The following GMDS variants were observed in gnomAD, a reference collection of about 807,000 sequenced individuals.
GMDS encodes GDP-mannose 4,6-dehydratase, also known as GDP-mannose 4,6 dehydratase.
GMDS carries 20 observed loss-of-function variants against 49.9 expected under a neutral mutation model. That is an observed-to-expected ratio of 0.40 (90% CI 0.28 to 0.58). The LOEUF (loss-of-function observed/expected upper bound fraction) is 0.58. GMDS is among the 20% of genes least tolerant of loss of function. The pLI is 0.42. For synonymous variants in GMDS, 177 were observed against 178.6 expected (o/e 0.99, Z 0.07); for missense variants, 362 against 481.4 (o/e 0.75, Z 2.32).
rs74513020 is a variant in GMDS, at chr6:1,646,087, T to C, written c.988-21547A>G. Among the ~76,000 whole-genome samples, 37 of 152,344 alleles carry C rather than the reference T, an allele frequency of 2.4e-4. 1 individual carries two copies. In the East Asian group the frequency reaches 5.6e-3, roughly 23 times the overall value. Reference sequence around the variant, plus strand: ...TCCCCCCAACTAAATGCAATTGTTCTTTTCCTGTTGCACTGTTACCATTCC... The same window carrying C: ...TCCCCCCAACTAAATGCAATTGTTCCTTTCCTGTTGCACTGTTACCATTCC... On this transcript the variant is annotated intron_variant, in intron 9 of 10. Coordinates refer to ENST00000380815, the MANE Select transcript of GMDS (RefSeq NM_001500.4).
At chr6:1,723,591 TG>T (rs1766467911) in intron 9 of GMDS, among the ~76,000 whole-genome samples, 1 of 60,684 alleles carries the variant, frequency 1.6e-5, no homozygotes, top group Non-Finnish European at 2.7e-5. Flanking sequence ...GGCCTCTTTA[TG>T]GCAATTTTTT....
At chr6:2,054,797 G>A (rs902740268) in intron 4 of GMDS, among the ~76,000 whole-genome samples, 2 of 151,648 alleles carry the variant, frequency 1.3e-5, no homozygotes, top group Admixed American at 6.6e-5. Flanking sequence ...ACAGAATCCA[G>A]GAAAACAAAA....
intron 1 of GMDS, among the ~76,000 whole-genome samples, chr6:2,134,991 C>T (rs920685769): frequency 5.3e-5 from 8 of 151,996 alleles, no homozygotes; most frequent in Admixed American, 3.9e-4. Flanking sequence ...CTCATTTTTC[C>T]GGATCAGAAA....
chr6:1,974,378 A>G (rs1764779143), intron 4 of GMDS, among the ~76,000 whole-genome samples: 1 of 152,178 alleles, frequency 6.6e-6, no homozygotes, highest in Non-Finnish European at 1.5e-5. Flanking sequence ...ATGCTCAAGA[A>G]AGAACAGAGT....
chr6:2,081,263 T>G (rs1355361946), intron 4 of GMDS, among the ~76,000 whole-genome samples: 1 of 152,004 alleles, frequency 6.6e-6, no homozygotes, highest in African/African-American at 2.4e-5. Context: ...GAACTCCGGA[T>G]GGTTTTCTCT....
chr6:1,969,075 C>T (rs549609124), intron 4 of GMDS, among the ~76,000 whole-genome samples: 2 of 151,810 alleles, frequency 1.3e-5, no homozygotes, highest in East Asian at 1.9e-4. Flanking sequence ...TCCTGGCTAA[C>T]ACGGTGAAAC....
intron 4 of GMDS, among the ~76,000 whole-genome samples, chr6:2,088,360 A>G (rs1253377691): frequency 6.6e-6 from 1 of 152,210 alleles, no homozygotes; most frequent in Non-Finnish European, 1.5e-5. Flanking sequence ...TGGTAATAAT[A>G]GGAATCTGCT....
chr6:1,933,293 T>C (rs1218536979), intron 6 of GMDS, among the ~76,000 whole-genome samples: 1 of 152,266 alleles, frequency 6.6e-6, no homozygotes, highest in Non-Finnish European at 1.5e-5. Context: ...GATGACTATC[T>C]GTGGTGCCTC....
intron 7 of GMDS, among the ~76,000 whole-genome samples, chr6:1,754,846 T>G (rs1339360483): frequency 6.6e-6 from 1 of 152,080 alleles, no homozygotes; most frequent in Non-Finnish European, 1.5e-5. Context: ...TGCTAAAAAC[T>G]CTCAATAAAC....
intron 1 of GMDS, among the ~76,000 whole-genome samples, chr6:2,164,167 C>A (rs1029444857): frequency 6.6e-6 from 1 of 152,208 alleles, no homozygotes; most frequent in African/African-American, 2.4e-5. Flanking sequence ...AATGCAGAAT[C>A]TTTGCTTAGT....
At chr6:1,958,115 G>GTT (rs35647807) in intron 6 of GMDS, among the ~76,000 whole-genome samples, 9 of 129,418 alleles carry the variant, frequency 7.0e-5, no homozygotes, top group Admixed American at 1.5e-4. Context: ...CTTAAAATAT[G>GTT]TTTTTTTTTT....
At chr6:1,802,089 C>T (rs900414420) in intron 7 of GMDS, among the ~76,000 whole-genome samples, 2 of 152,128 alleles carry the variant, frequency 1.3e-5, no homozygotes, top group Non-Finnish European at 2.9e-5. Context: ...AATAGAAAAA[C>T]GGAGATGCAG....
At chr6:1,769,084 A>G (rs1768472998) in intron 7 of GMDS, among the ~76,000 whole-genome samples, 1 of 152,234 alleles carries the variant, frequency 6.6e-6, no homozygotes, top group Admixed American at 6.5e-5. Context: ...CTAGTATATT[A>G]TAATTTAAGT....
In GMDS at chr6:2,075,877, T is replaced by G. The variant is rs574078682; in HGVS notation, c.345+39894A>C. Reference sequence around the variant, plus strand: ...AACTAGTTCACAGTCCCACCAACAGTGTAAAAGTGTTCCTATTTCTCCACA... The same window carrying G: ...AACTAGTTCACAGTCCCACCAACAGGGTAAAAGTGTTCCTATTTCTCCACA... On this transcript the variant is annotated intron_variant, in intron 4 of 10. Transcript: ENST00000380815. 9.9e-5 allele frequency among the ~76,000 whole-genome samples: 15 copies of G among 152,272 alleles called. No individual in the cohort carries two copies. The East Asian group carries it at 2.9e-3, about 29-fold the overall frequency.
At position 1,987,861 on chromosome 6, in the gene GMDS, A is replaced by G. The variant is rs547208300; in HGVS notation, c.346-26895T>C. Among the ~76,000 whole-genome samples the G allele has an allele frequency of 6.6e-5, 10 of 152,348 alleles. No homozygotes were observed. The South Asian group carries it at 2.1e-3, about 32-fold the overall frequency. ...ACATGCACTCTGCCATTTAAGTATT[A>G]TGACAAGTCTGTGAGTCAGGGACTA... On this transcript the variant is annotated intron_variant, in intron 4 of 10. Coordinates refer to ENST00000380815, the MANE Select transcript of GMDS (RefSeq NM_001500.4).
At chr6:1,853,153 A>G (rs1473598808) in intron 7 of GMDS, among the ~76,000 whole-genome samples, 2 of 152,112 alleles carry the variant, frequency 1.3e-5, no homozygotes, top group Non-Finnish European at 2.9e-5. Flanking sequence ...AACTCTGAAA[A>G]GTATCTGAGA....
intron 9 of GMDS, among the ~76,000 whole-genome samples, chr6:1,646,914 G>A (rs969951754): frequency 6.6e-6 from 1 of 152,166 alleles, no homozygotes; most frequent in South Asian, 2.1e-4. Context: ...CAAAAGCCAG[G>A]TCAGAGGGGG....
chr6:1,747,344 C>T (rs1767538491), intron 7 of GMDS, among the ~76,000 whole-genome samples: 1 of 152,110 alleles, frequency 6.6e-6, no homozygotes, highest in African/African-American at 2.4e-5. Flanking sequence ...AGCTGGCATC[C>T]ATGAATAACA....
chr6:1,880,873 A>G (rs1759326890), intron 7 of GMDS, among the ~76,000 whole-genome samples: 1 of 152,248 alleles, frequency 6.6e-6, no homozygotes, highest in African/African-American at 2.4e-5. Context: ...GTATTTAGGT[A>G]ATCACTGAAA....
Sources: allele counts gnomAD v4.1 joint callset (sites outside exome capture counted in the v4.1 genomes callset), GRCh38; gene constraint gnomAD v4.1.1; transcripts MANE v1.5; gene names NCBI Gene and HGNC (gene_info 2026-07-23, HGNC 2026-07-21).